DEPTOR: variants seen among roughly 807,000 people sequenced by gnomAD.
DEPTOR encodes the protein DEP domain containing MTOR interacting protein.
DEPTOR carries 41 observed loss-of-function variants against 41.6 expected under a neutral mutation model. The ratio of observed to expected loss-of-function variants is 0.98; its 90% CI spans 0.77 to 1.28. The LOEUF (loss-of-function observed/expected upper bound fraction) is 1.28, where lower values mean the gene tolerates loss of function less well. DEPTOR is among the 50% of genes most tolerant of loss of function. The pLI is 0.00. For missense variants in DEPTOR, 514 were observed against 527.9 expected (o/e 0.97, Z 0.26); for synonymous variants, 195 against 192.3 (o/e 1.01, Z -0.12).
intron 8 of DEPTOR, among the ~76,000 whole-genome samples, chr8:120,018,881 C>CA (rs1362895677): frequency 6.6e-6 from 1 of 152,174 alleles, no homozygotes; most frequent in Non-Finnish European, 1.5e-5. Context: ...CTGATGCCCT[C>CA]AGTAATACAG....
chr8:119,953,801 C>CTTTTTTTTTTTTTTT (rs35043841), intron 3 of DEPTOR, among the ~76,000 whole-genome samples: 1 of 119,678 alleles, frequency 8.4e-6, no homozygotes, highest in Non-Finnish European at 1.7e-5. Context: ...CAGATAGCTT[C>CTTTTTTTTTTTTTTT]TTTTTTTTTT....
At chr8:120,032,862 T>C (rs1812913157) in intron 8 of DEPTOR, among the ~76,000 whole-genome samples, 1 of 152,110 alleles carries the variant, frequency 6.6e-6, no homozygotes, top group African/African-American at 2.4e-5. Flanking sequence ...TGTAGCTCTG[T>C]TTTGGCCAAG....
At chr8:119,961,164 C>A (rs192640492) in intron 3 of DEPTOR, among the ~76,000 whole-genome samples, 1 of 152,090 alleles carries the variant, frequency 6.6e-6, no homozygotes, top group East Asian at 1.9e-4. Context: ...CGTCTGTAAT[C>A]CCCGCCCTTT....
At chr8:119,986,674 T>C (rs957002585) in intron 4 of DEPTOR, among the ~76,000 whole-genome samples, 2 of 152,082 alleles carry the variant, frequency 1.3e-5, no homozygotes, top group African/African-American at 4.8e-5. Context: ...CAATCAAACA[T>C]AGGTTTGGTC....
At chr8:119,988,958 C>CT (rs71571643) in intron 4 of DEPTOR, among the ~76,000 whole-genome samples, 2,710 of 93,878 alleles carry the variant, frequency 0.029, 130 homozygotes, top group African/African-American at 0.083. Context: ...TTTTTTTTTT[C>CT]TTTTTTTTTT....
intron 8 of DEPTOR, among the ~76,000 whole-genome samples, chr8:120,042,938 C>G (rs1813099344): frequency 6.6e-6 from 1 of 151,784 alleles, no homozygotes; most frequent in Non-Finnish European, 1.5e-5. Context: ...CAACCTCTGC[C>G]TCCCAGGTTC....
At chr8:119,999,363 T>C (rs182066505) in intron 4 of DEPTOR, among the ~76,000 whole-genome samples, 70 of 152,296 alleles carry the variant, frequency 4.6e-4, no homozygotes, top group Admixed American at 1.2e-3. Flanking sequence ...TATAAGACAC[T>C]TACTTAAGGT....
intron 4 of DEPTOR, among the ~76,000 whole-genome samples, chr8:119,990,168 T>G (rs953111300): frequency 4.0e-5 from 6 of 149,756 alleles, no homozygotes; most frequent in Non-Finnish European, 7.4e-5. Context: ...GTTTATTTAG[T>G]TTTTTTTTGA....
chr8:120,043,540 C>T (rs1175393491), intron 8 of DEPTOR, among the ~76,000 whole-genome samples: 3 of 152,102 alleles, frequency 2.0e-5, no homozygotes, highest in African/African-American at 7.2e-5. Flanking sequence ...AGAGAAGAAA[C>T]GTTTGTCATC....
At chr8:119,974,323 A>AT (rs1307310654) in intron 4 of DEPTOR, among the ~76,000 whole-genome samples, 1 of 148,634 alleles carries the variant, frequency 6.7e-6, no homozygotes, top group Non-Finnish European at 1.5e-5. Flanking sequence ...AGGAAAAATA[A>AT]TTTTTTCTTT....
chr8:119,914,364 T>C (rs1211229222), intron 1 of DEPTOR, among the ~76,000 whole-genome samples: 1 of 152,046 alleles, frequency 6.6e-6, no homozygotes, highest in Admixed American at 6.6e-5. Flanking sequence ...CATAATGCAA[T>C]GTTGGCTCTG....
intron 1 of DEPTOR, among the ~76,000 whole-genome samples, chr8:119,899,415 G>A (rs7461618): frequency 0.22 from 32,716 of 152,106 alleles, 4,027 homozygotes; most frequent in African/African-American, 0.32. Flanking sequence ...GGGAAAAGTT[G>A]TTTGTCAATT....
intron 8 of DEPTOR, among the ~76,000 whole-genome samples, chr8:120,045,757 T>A (rs998726718): frequency 4.6e-5 from 7 of 152,136 alleles, no homozygotes; most frequent in African/African-American, 1.7e-4. Flanking sequence ...CATTTTGGTG[T>A]CCCTTGCCTA....
intron 4 of DEPTOR, among the ~76,000 whole-genome samples, 174 bp from the exon 5 acceptor site, chr8:120,001,351 T>C (rs4501620): frequency 0.15 from 23,079 of 152,128 alleles, 2,850 homozygotes; most frequent in African/African-American, 0.33. Flanking sequence ...AAAGTGCATG[T>C]CACGTGGAAA....
chr8:119,967,371 T>C (rs1208060210), intron 4 of DEPTOR, among the ~76,000 whole-genome samples: 1 of 151,352 alleles, frequency 6.6e-6, no homozygotes. Context: ...TGAGCCACCA[T>C]GCCCGGCTTG....
intron 3 of DEPTOR, among the ~76,000 whole-genome samples, chr8:119,963,306 C>G (rs963848523): frequency 7.9e-5 from 12 of 151,802 alleles, no homozygotes; most frequent in African/African-American, 2.9e-4. Context: ...TGATTGATGT[C>G]CCCCTAGCCA....
intron 3 of DEPTOR, among the ~76,000 whole-genome samples, chr8:119,956,316 G>T (rs1043803911): frequency 8.5e-5 from 13 of 152,162 alleles, no homozygotes; most frequent in African/African-American, 2.4e-4. Flanking sequence ...TGATTATAAG[G>T]GGAAGTGAAA....
chr8:119,896,181 T>C (rs1827518013), intron 1 of DEPTOR, among the ~76,000 whole-genome samples: 1 of 152,222 alleles, frequency 6.6e-6, no homozygotes, highest in Non-Finnish European at 1.5e-5. Flanking sequence ...AACCATACTA[T>C]GTGACCAGTA....
chr8:119,926,694 C>T (rs951832601), intron 1 of DEPTOR, among the ~76,000 whole-genome samples: 30 of 152,290 alleles, frequency 2.0e-4, no homozygotes, highest in African/African-American at 6.7e-4. Context: ...CTGGATACCT[C>T]TCCTTTAGTA....
Sources: gnomAD v4.1 joint callset for allele counts (sites outside exome capture counted in the v4.1 genomes callset) on GRCh38, gnomAD v4.1.1 for gene constraint, MANE v1.5 for transcripts, NCBI Gene and HGNC (gene_info 2026-07-23, HGNC 2026-07-21) for gene names.